Variants in FAM234B observed in about 807,000 individuals in gnomAD.
FAM234B encodes protein FAM234B.
A neutral mutation model predicts 69.3 loss-of-function variants in FAM234B; 33 were observed. The ratio of observed to expected loss-of-function variants is 0.48; its 90% CI spans 0.36 to 0.64. The LOEUF (loss-of-function observed/expected upper bound fraction) is 0.64. Ranked by LOEUF, FAM234B falls within the 30% of genes least tolerant of loss-of-function variation. The probability of loss-of-function intolerance (pLI) is 0.00; values close to 1 mark genes in which losing one functional copy is unlikely to be tolerated. For synonymous variants in FAM234B, 306 were observed against 306.9 expected (o/e 1.00, Z 0.03); for missense variants, 697 against 769.7 (o/e 0.91, Z 1.12).
chr12:13,080,773 G>A lies in FAM234B; in HGVS notation c.*143G>A, dbSNP rs1051712336. The A allele has an allele frequency of 4.2e-5, 28 of 674,212 alleles. No homozygotes were observed. The highest frequency in any genetic ancestry group is 5.9e-5 in the Admixed American group (2 of 34,010). The allele number at this position is 674,212 out of a possible 1,614,324, so 41.8% of individuals were successfully genotyped here. ...CCTGATGGTTGCAAAGGCTTGGGAA[G>A]GCATGTTGGAGTCTTTGACGGCAGC... On this transcript the variant is annotated 3_prime_UTR_variant, in exon 13 of 13. Transcript: ENST00000197268.
In FAM234B at chr12:13,067,182, A is replaced by G; in HGVS notation, c.1028A>G (p.Asp343Gly). ...FGNIQAVALR[D>G]IFVQAQNRDS... ...AATATACAAGCTGTCGCACTGCGGG[A>G]CATTTTTGTTCAGGCCCAAAATCGA... is the stretch of plus-strand genomic sequence containing the variant. Residue 343 changes from aspartate to glycine, a missense_variant, in exon 7 of 13, where the codon GAC becomes GGC. Transcript: ENST00000197268. This position sits in a 1 kb window ranked among gnomAD's most constrained non-coding sequence, Gnocchi z 4.7. 6.2e-7 allele frequency: 1 copy of G among 1,614,018 alleles called. No homozygotes were observed.
In FAM234B at chr12:13,063,396, A is replaced by G. The variant is rs141773715; in HGVS notation, c.852+421A>G. On this transcript the variant is annotated intron_variant, in intron 5 of 12. Coordinates refer to ENST00000197268, the MANE Select transcript of FAM234B (RefSeq NM_020853.2). ...GAGTAGTGCCTAATTTTTGCTGTGTATATGTATTTTTAGTTTTACTGTATT... is the reference window on the plus strand; with the variant it reads ...GAGTAGTGCCTAATTTTTGCTGTGTGTATGTATTTTTAGTTTTACTGTATT... Among the ~76,000 whole-genome samples the G allele has an allele frequency of 7.4e-3, 1,126 of 152,348 alleles. 11 individuals are homozygous for G. Among genetic ancestry groups the G allele is most frequent in the African/African-American group, 0.026 (1,070 of 41,568 alleles).
Position 13,076,029 on chromosome 12 carries a change from A to C in FAM234B, c.1528A>C (p.Ile510Leu). ...GLSAASPNSD[I>L]ILGTEPPSLH... is the part of the protein sequence containing the mutation. Reference sequence around the variant, plus strand: ...CCTTTTTGCTGCTTATTATCAGGATATCATCCTAGGAACTGAGCCGCCCAG... The same window carrying C: ...CCTTTTTGCTGCTTATTATCAGGATCTCATCCTAGGAACTGAGCCGCCCAG... The change falls in exon 11 of 13, where the codon ATC becomes CTC. Residue 510 changes from isoleucine (I) to leucine (L), a missense_variant. Ile to Leu is a conservative substitution (Grantham distance 5, BLOSUM62 2). This residue lies in a region of FAM234B where 313 missense variants were observed against 305.5 expected (regional missense o/e 1.02). Transcript: ENST00000197268. 1 of 1,610,602 alleles carries C rather than the reference A, an allele frequency of 6.2e-7. No individual in the cohort carries two copies. The highest frequency in any genetic ancestry group is 8.5e-7 in the Non-Finnish European group (1 of 1,176,882).
At chr12:13,071,541 A>G in intron 10 of FAM234B, 145 bp downstream of exon 10, 1 of 742,032 alleles carries the variant, frequency 1.3e-6, no homozygotes, top group East Asian at 2.7e-5. Context: ...GGAGAAAAGC[A>G]GGAACCCTGT....
intron 1 of FAM234B, among the ~76,000 whole-genome samples, chr12:13,051,636 G>T (rs1323515039): frequency 6.6e-6 from 1 of 152,210 alleles, no homozygotes; most frequent in Non-Finnish European, 1.5e-5. Flanking sequence ...CTGTACCTGG[G>T]ATTGTATCTA....
chr12:13,078,725 G>A (rs926168073), intron 11 of FAM234B, among the ~76,000 whole-genome samples: 3 of 152,018 alleles, frequency 2.0e-5, no homozygotes, highest in Admixed American at 6.6e-5. Flanking sequence ...AAAAATCACA[G>A]GCATTCTTAT....
intron 1 of FAM234B, among the ~76,000 whole-genome samples, chr12:13,052,803 G>A (rs1864888956): frequency 1.3e-5 from 2 of 152,138 alleles, no homozygotes; most frequent in Non-Finnish European, 2.9e-5. Context: ...ATATTCCATG[G>A]TACGTACATA....
rs1331419799 is a variant in FAM234B, at chr12:13,061,771, C to A, written c.721+8C>A. 6.2e-7 allele frequency: 1 copy of A among 1,608,406 alleles called. No individual in the cohort carries two copies. The highest frequency in any genetic ancestry group is 8.5e-7 in the Non-Finnish European group (1 of 1,176,130). ...CATTCAATGCAACGTCAGGTAAATA[C>A]CATTTACCACAAAAGAACTTTGCTC... On this transcript the variant is annotated splice_region_variant and intron_variant, in intron 4 of 12. Transcript: ENST00000197268.
intron 11 of FAM234B, 87 bp downstream of exon 11, chr12:13,076,230 C>T: frequency 2.0e-6 from 2 of 1,011,062 alleles, no homozygotes; most frequent in Non-Finnish European, 3.1e-6. Context: ...TTGCCCCACC[C>T]AGGGAAGGAT....
chr12:13,077,079 A>G (rs1271324229), intron 11 of FAM234B, among the ~76,000 whole-genome samples: 1 of 152,130 alleles, frequency 6.6e-6, no homozygotes, highest in East Asian at 1.9e-4. Context: ...TGGAACTTGC[A>G]GGCACACCTG....
rs1194326185 is a variant in FAM234B, at chr12:13,080,706, G to T, written c.*76G>T. On this transcript the variant is annotated 3_prime_UTR_variant, in exon 13 of 13. Transcript: ENST00000197268. ...CTACTCTCCTGTCACTGTAAAATCA[G>T]TTCTATGGAGAGAAGACTTCTTCGT... 1.6e-6 allele frequency: 2 copies of T among 1,254,774 alleles called. No homozygotes were observed. 77.7% of individuals were successfully genotyped at this position (1,254,774 alleles called of 1,614,324 possible). A position where few individuals can be genotyped will look rare whatever the true frequency, so the allele number is the denominator to read the frequency against.
chr12:13,056,131 T>C (rs1456726811), intron 2 of FAM234B, among the ~76,000 whole-genome samples, 185 bp downstream of exon 2: 2 of 152,194 alleles, frequency 1.3e-5, no homozygotes, highest in Non-Finnish European at 2.9e-5. Flanking sequence ...TCCAAAAACC[T>C]GGGAATCATT....
At chr12:13,046,556 G>A (rs1245564240) in intron 1 of FAM234B, among the ~76,000 whole-genome samples, 1 of 152,074 alleles carries the variant, frequency 6.6e-6, no homozygotes, top group Non-Finnish European at 1.5e-5. Context: ...CGCCTCCTGG[G>A]TTCAAGCAAT....
Position 13,068,656 on chromosome 12 carries a change from A to G in FAM234B, c.1313A>G (p.Asp438Gly). 6.2e-7 allele frequency: 1 copy of G among 1,613,036 alleles called. No homozygotes were observed. Among genetic ancestry groups the G allele is most frequent in the Admixed American group, 1.7e-5 (1 of 59,992 alleles). Residue 438 changes from aspartate (D) to glycine (G), a missense_variant, in exon 9 of 13, where the codon GAT becomes GGT. Transcript: ENST00000197268. ...RSQPTPGYFT[D>G]DQTLDFLLQI... ...CAGCCTACTCCTGGATATTTCACTG[A>G]TGATCAGACATTAGATTTCCTTCTG...
rs1237789065 is a variant in FAM234B, at chr12:13,081,376, A to C, written c.*746A>C. Reference sequence around the variant, plus strand: ...ATGTAGTCTCAGTGACCCATCTCTGACCAAGTCCACATGTTGTGTTATATG... The same window carrying C: ...ATGTAGTCTCAGTGACCCATCTCTGCCCAAGTCCACATGTTGTGTTATATG... On this transcript the variant is annotated 3_prime_UTR_variant, in exon 13 of 13. Transcript: ENST00000197268. The C allele has an allele frequency of 2.0e-5, 3 of 152,244 alleles. No homozygotes were observed. The East Asian group carries it at 5.8e-4, about 29-fold the overall frequency. 9.4% of individuals were successfully genotyped at this position (152,244 alleles called of 1,614,324 possible).
intron 11 of FAM234B, among the ~76,000 whole-genome samples, chr12:13,076,825 A>T (rs1418662700): frequency 6.6e-6 from 1 of 152,234 alleles, no homozygotes; most frequent in Non-Finnish European, 1.5e-5. Context: ...GCTGCCTGCT[A>T]GTCTAGGTTG....
At chr12:13,054,173 A>G (rs1168644727) in intron 1 of FAM234B, among the ~76,000 whole-genome samples, 2 of 152,264 alleles carry the variant, frequency 1.3e-5, no homozygotes, top group Non-Finnish European at 2.9e-5. Context: ...TTATGAAGAT[A>G]ACAGGATTAA....
At chr12:13,066,536 C>G (rs765993459) in intron 5 of FAM234B, 104 bp from the exon 6 acceptor site, 7 of 1,288,346 alleles carry the variant, frequency 5.4e-6, no homozygotes, top group Non-Finnish European at 7.4e-6. Context: ...GGGAGTGTTT[C>G]TGAGCCCGTG....
Position 13,044,770 on chromosome 12 carries a change from A to G in FAM234B, c.37+330A>G, listed in dbSNP as rs2120429769. On this transcript the variant is annotated intron_variant, in intron 1 of 12. Transcript: ENST00000197268. The surrounding 1 kb of genome is among the most constrained non-coding windows in gnomAD (Gnocchi z 5.6). ...GCTGGCGAGAGGAGCATCCTTCCCG[A>G]GCGCCGCGGACCCAGCACCGCAGGG... is the stretch of plus-strand genomic sequence containing the variant. Among the ~76,000 whole-genome samples, 1 of 152,162 alleles carries G rather than the reference A, an allele frequency of 6.6e-6. No homozygotes were observed. The highest frequency in any genetic ancestry group is 2.4e-5 in the African/African-American group (1 of 41,510).
Sources: allele counts gnomAD v4.1 joint callset (sites outside exome capture counted in the v4.1 genomes callset), GRCh38; gene constraint gnomAD v4.1.1; regional missense constraint gnomAD v4.1.1; non-coding constraint Gnocchi (gnomAD v3.1); transcripts MANE v1.5; gene names NCBI Gene and HGNC (gene_info 2026-07-23, HGNC 2026-07-21).